NXNL2: variants seen among roughly 807,000 people sequenced by gnomAD.
NXNL2 encodes the protein nucleoredoxin like 2.
Under a neutral mutation model 11.1 loss-of-function variants are expected in NXNL2, and 7 were observed. The observed-to-expected ratio is 0.63, with a 90% confidence interval of 0.36 to 1.18. The LOEUF is 1.18. Ranked by LOEUF, NXNL2 falls within the 50% of genes most tolerant of loss-of-function variation. The pLI, the probability that NXNL2 is intolerant of heterozygous loss-of-function variation, is 0.02. For synonymous variants in NXNL2, 109 were observed against 101.8 expected, an observed-to-expected ratio of 1.07 and a Z score of -0.42; for missense variants, 233 against 217.7, an observed-to-expected ratio of 1.07 and a Z score of -0.44.
chr9:88,543,825 C>G (rs139762488), intron 1 of NXNL2, among the ~76,000 whole-genome samples: 1 of 152,200 alleles, frequency 6.6e-6, no homozygotes, highest in South Asian at 2.1e-4. Flanking sequence ...AGCACAGATA[C>G]GGAGAGTTCA....
At position 88,561,543 on chromosome 9, in the gene NXNL2, T is replaced by C. The variant is rs185689018; in HGVS notation, c.303-9544T>C. Reference sequence around the variant, plus strand: ...GTCCCTCTAGGAGAACCCTGACTAATACATGGGACAATGACACACACAAAC... The same window carrying C: ...GTCCCTCTAGGAGAACCCTGACTAACACATGGGACAATGACACACACAAAC... On this transcript the variant is annotated intron_variant, in intron 1 of 2. Transcript: ENST00000375855. Among the ~76,000 whole-genome samples, 1,276 of 152,136 alleles carry C rather than the reference T, an allele frequency of 8.4e-3. 22 individuals are homozygous for C. Among genetic ancestry groups the C allele is most frequent in the South Asian group, 0.036 (172 of 4,818 alleles).
chr9:88,554,793 C>G (rs1460361348), intron 1 of NXNL2, among the ~76,000 whole-genome samples: 1 of 152,198 alleles, frequency 6.6e-6, no homozygotes, highest in African/African-American at 2.4e-5. Flanking sequence ...CGACCTCTCT[C>G]TGGACATTGT....
chr9:88,535,526 T>C lies in NXNL2; in HGVS notation c.92T>C (p.Leu31Pro). The change falls in exon 1 of 2, where the codon CTG becomes CCG. Residue 31 changes from leucine (L) to proline (P), a missense_variant. By Grantham distance (98) the Leu-to-Pro change is moderately conservative. Coordinates refer to ENST00000375854, the MANE Select transcript of NXNL2 (RefSeq NM_001161625.2). ...EAALQNKVVA[L>P]YFAAARCAPS... ...GCGCTGCAGAACAAGGTGGTGGCAC[T>C]GTACTTCGCGGCGGCCCGGTGCGCG... The C allele has an allele frequency of 6.2e-7, 1 of 1,609,628 alleles. No individual in the cohort carries two copies. Among genetic ancestry groups the C allele is most frequent in the Non-Finnish European group, 8.5e-7 (1 of 1,179,334 alleles).
intron 1 of NXNL2, among the ~76,000 whole-genome samples, chr9:88,567,282 G>C (rs1830189982): frequency 6.6e-6 from 1 of 152,048 alleles, no homozygotes; most frequent in Admixed American, 6.6e-5. Context: ...GGGATTACAG[G>C]TGCCTGCCAC....
chr9:88,537,524 C>T (rs1471274163), intron 1 of NXNL2, among the ~76,000 whole-genome samples: 1 of 152,198 alleles, frequency 6.6e-6, no homozygotes, highest in East Asian at 1.9e-4. Flanking sequence ...TTTGTCCCTA[C>T]CCCTTTCCAC....
At chr9:88,536,159 AC>A (rs1483915708) in intron 1 of NXNL2, among the ~76,000 whole-genome samples, 1 of 152,178 alleles carries the variant, frequency 6.6e-6, no homozygotes, top group Non-Finnish European at 1.5e-5. Context: ...GGCAGGAAGC[AC>A]AGGGACATGA....
In NXNL2 at chr9:88,556,052, C is replaced by T. The variant is rs139918359; in HGVS notation, c.303-15035C>T. Among the ~76,000 whole-genome samples, 174 of 152,290 alleles carry T rather than the reference C, an allele frequency of 1.1e-3. 1 individual carries two copies. Among genetic ancestry groups the T allele is most frequent in the African/African-American group, 3.6e-3 (148 of 41,568 alleles). ...GGCAACACAGTGGCTCCCAGAAACTCGGAGACACAGCAACCCTGGAGCCCC... is the reference window on the plus strand; with the variant it reads ...GGCAACACAGTGGCTCCCAGAAACTTGGAGACACAGCAACCCTGGAGCCCC... On this transcript the variant is annotated intron_variant, in intron 1 of 2. Transcript: ENST00000375855.
downstream of NXNL2, chr9:88,584,319 A>AG (rs1291633020): frequency 6.6e-6 from 1 of 152,220 alleles, no homozygotes; most frequent in Non-Finnish European, 1.5e-5. Flanking sequence ...TTAATCTGAT[A>AG]GGACCAGTGT....
intron 1 of NXNL2, among the ~76,000 whole-genome samples, chr9:88,538,226 G>A (rs1373664818): frequency 6.6e-6 from 1 of 152,118 alleles, no homozygotes; most frequent in Non-Finnish European, 1.5e-5. Flanking sequence ...TTGAGGGCTG[G>A]TACTGAGTGT....
At chr9:88,546,759 C>T (rs7860074), downstream of NXNL2, among the ~76,000 whole-genome samples, 51,184 of 151,894 alleles carry the variant, frequency 0.34, 15,616 homozygotes, top group East Asian at 0.8. Flanking sequence ...TTTTTCTTGA[C>T]GTAAGGCAAA....
intron 1 of NXNL2, among the ~76,000 whole-genome samples, chr9:88,539,229 T>G (rs1186823271): frequency 6.6e-6 from 1 of 152,186 alleles, no homozygotes; most frequent in Non-Finnish European, 1.5e-5. Flanking sequence ...TTGGTGTTGC[T>G]GCTCCTGGGA....
intron 1 of NXNL2, among the ~76,000 whole-genome samples, chr9:88,563,496 C>T (rs1830116298): frequency 6.6e-6 from 1 of 152,218 alleles, no homozygotes; most frequent in South Asian, 2.1e-4. Context: ...CCTTGCGCCC[C>T]TCAGCCTCTC....
downstream of NXNL2, among the ~76,000 whole-genome samples, chr9:88,577,307 G>C (rs541821924): frequency 2.6e-5 from 4 of 151,792 alleles, no homozygotes; most frequent in South Asian, 2.1e-4. Flanking sequence ...GGGCGGGGGG[G>C]GCGGCATGAG....
intron 1 of NXNL2, among the ~76,000 whole-genome samples, chr9:88,536,456 C>G (rs1251177983): frequency 6.6e-6 from 1 of 151,874 alleles, no homozygotes; most frequent in Non-Finnish European, 1.5e-5. Flanking sequence ...ATTGATTGTT[C>G]TGCTTTTGGG....
chr9:88,567,303 T>C (rs548502035), intron 1 of NXNL2, among the ~76,000 whole-genome samples: 5 of 152,266 alleles, frequency 3.3e-5, no homozygotes, highest in African/African-American at 1.2e-4. Flanking sequence ...CATCCCCAGC[T>C]AATTTTTGTA....
At chr9:88,539,151 C>T (rs1334941923) in intron 1 of NXNL2, among the ~76,000 whole-genome samples, 1 of 152,210 alleles carries the variant, frequency 6.6e-6, no homozygotes. Context: ...CATAAACCAC[C>T]AGATCTTGGG....
In NXNL2 at chr9:88,544,787, C is replaced by G. The variant is rs1042916049; in HGVS notation, c.*240C>G. 2 of 1,234,876 alleles carry G rather than the reference C, an allele frequency of 1.6e-6. No individual in the cohort carries two copies. Among genetic ancestry groups the G allele is most frequent in the Non-Finnish European group, 2.0e-6 (2 of 988,920 alleles). The allele number at this position is 1,234,876 out of a possible 1,614,324, so 76.5% of individuals were successfully genotyped here. A position where few individuals can be genotyped will look rare whatever the true frequency, so the allele number is the denominator to read the frequency against. On this transcript the variant is annotated 3_prime_UTR_variant, in exon 2 of 2. Coordinates refer to ENST00000375854, the MANE Select transcript of NXNL2 (RefSeq NM_001161625.2). ...GTTATTCTTTGCATACCTTTATCCA[C>G]CTGTGCTTAAGGAAGGATCCTCATA...
intron 1 of NXNL2, among the ~76,000 whole-genome samples, chr9:88,564,186 G>T (rs1830129464): frequency 1.3e-5 from 2 of 150,548 alleles, no homozygotes; most frequent in South Asian, 4.2e-4. Flanking sequence ...ACTCCAGCCT[G>T]GGGGACAAGA....
intron 1 of NXNL2, among the ~76,000 whole-genome samples, chr9:88,541,427 A>AT (rs1178398440): frequency 3.3e-5 from 5 of 150,828 alleles, no homozygotes; most frequent in African/African-American, 4.9e-5. Context: ...CACCTGGTTA[A>AT]TTTTTTTTTA....
Sources: gnomAD v4.1 joint callset for allele counts (sites outside exome capture counted in the v4.1 genomes callset) on GRCh38, gnomAD v4.1.1 for gene constraint, MANE v1.5 for transcripts, NCBI Gene and HGNC (gene_info 2026-07-23, HGNC 2026-07-21) for gene names.